Variants in INTU observed in about 807,000 individuals in gnomAD.
The protein encoded by INTU is protein inturned.
INTU carries 68 observed loss-of-function variants against 100.5 expected under a neutral mutation model. The ratio of observed to expected loss-of-function variants is 0.68; its 90% CI spans 0.56 to 0.83. The LOEUF (loss-of-function observed/expected upper bound fraction) is 0.83, where lower values mean the gene tolerates loss of function less well. Ranked by LOEUF, INTU falls within the 40% of genes least tolerant of loss-of-function variation. The pLI is 0.00. For synonymous variants in INTU, 357 were observed against 395.7 expected, an observed-to-expected ratio of 0.90 and a Z score of 1.16; for missense variants, 1,071 against 1,114.7, an observed-to-expected ratio of 0.96 and a Z score of 0.56.
chr4:127,643,823 C>T lies in INTU; in HGVS notation c.449C>T (p.Thr150Ile). 6.2e-7 allele frequency: 1 copy of T among 1,613,952 alleles called. No homozygotes were observed. The highest frequency in any genetic ancestry group is 1.1e-5 in the South Asian group (1 of 91,080). Reference protein sequence around the residue: ...SILKHQSNQKTGVIVQQRYKD... With the variant: ...SILKHQSNQKIGVIVQQRYKD... ...CTAAAGCATCAGTCCAATCAGAAGA[C>T]AGGAGTCATTGTCCAACAGCGATAC... The change falls in exon 2 of 16, where the codon ACA becomes ATA. Residue 150 changes from threonine (T) to isoleucine (I), a missense_variant. Coordinates refer to ENST00000335251, the MANE Select transcript of INTU (RefSeq NM_015693.4).
In INTU at chr4:127,643,979, A is replaced by G; in HGVS notation, c.605A>G (p.Gln202Arg). The G allele has an allele frequency of 6.2e-7, 1 of 1,614,210 alleles. No individual in the cohort carries two copies. Residue 202 changes from glutamine (Q) to arginine (R), a missense_variant, in exon 2 of 16, where the codon CAG becomes CGG. Gln to Arg is a conservative substitution (Grantham distance 43). Transcript: ENST00000335251. ...TGGAGCTGGAGAAGAACCGGAAAGC[A>G]GGGTGATGGAGAGAGGCTTGTGGTT... ...TKWSWRRTGKQGDGERLVVHG... is the reference protein window; with the variant it reads ...TKWSWRRTGKRGDGERLVVHG...
intron 6 of INTU, among the ~76,000 whole-genome samples, chr4:127,679,194 T>G (rs1469679216): frequency 6.6e-6 from 1 of 150,972 alleles, no homozygotes; most frequent in African/African-American, 2.4e-5. Flanking sequence ...GACAGATCAA[T>G]GAGACAGAAA....
At chr4:127,656,816 A>G in intron 3 of INTU, 95 bp downstream of exon 3, 1 of 665,144 alleles carries the variant, frequency 1.5e-6, no homozygotes, top group Non-Finnish European at 2.5e-6. Context: ...TCTGAAAAGT[A>G]TCATGTATAA....
At chr4:127,689,292 C>G (rs973756294) in intron 8 of INTU, among the ~76,000 whole-genome samples, 24 of 151,950 alleles carry the variant, frequency 1.6e-4, no homozygotes, top group African/African-American at 5.1e-4. Flanking sequence ...CTACCATTTT[C>G]TTAAATTGTA....
chr4:127,657,875 A>G (rs1327029454), intron 3 of INTU, among the ~76,000 whole-genome samples: 1 of 152,090 alleles, frequency 6.6e-6, no homozygotes, highest in Non-Finnish European at 1.5e-5. Context: ...TAAAGTGCAC[A>G]ATAAATGTAA....
At chr4:127,710,441 A>G (rs1731052277) in intron 13 of INTU, among the ~76,000 whole-genome samples, 1 of 152,166 alleles carries the variant, frequency 6.6e-6, no homozygotes, top group African/African-American at 2.4e-5. Flanking sequence ...CATCAGTTTG[A>G]CTATCATGGT....
At chr4:127,633,555 T>C (rs933116539) in intron 1 of INTU, among the ~76,000 whole-genome samples, 2 of 152,148 alleles carry the variant, frequency 1.3e-5, no homozygotes, top group African/African-American at 4.8e-5. Flanking sequence ...TGGCTTAATC[T>C]CTTTAGTATT....
In INTU at chr4:127,722,315, C is replaced by G. The variant is rs1560625652; in HGVS notation, c.*5879C>G. 2.0e-5 allele frequency: 3 copies of G among 152,594 alleles called. No individual in the cohort carries two copies. Among genetic ancestry groups the G allele is most frequent in the Non-Finnish European group, 2.9e-5 (2 of 68,276 alleles). The allele number at this position is 152,594 out of a possible 1,614,324, so 9.5% of individuals were successfully genotyped here. The stretch of plus-strand genomic sequence containing the variant: ...GCTGCAGACCAGCAAAGATGGCAGC[C>G]TGCTCCTTCCTCTGGGAGCTCTGTC... On this transcript the variant is annotated 3_prime_UTR_variant, in exon 16 of 16. Coordinates refer to ENST00000335251, the MANE Select transcript of INTU (RefSeq NM_015693.4).
intron 10 of INTU, among the ~76,000 whole-genome samples, chr4:127,704,556 A>G: frequency 6.6e-6 from 1 of 152,054 alleles, no homozygotes; most frequent in Non-Finnish European, 1.5e-5. Flanking sequence ...TGGCCTCCCA[A>G]AGTACTGGGA....
intron 2 of INTU, among the ~76,000 whole-genome samples, chr4:127,650,992 G>GT (rs1188499423): frequency 1.3e-5 from 2 of 152,098 alleles, no homozygotes; most frequent in Non-Finnish European, 2.9e-5. Flanking sequence ...TTTTTCATGT[G>GT]TTTTTTGGCT....
intron 8 of INTU, among the ~76,000 whole-genome samples, chr4:127,699,661 A>C (rs963500086): frequency 6.6e-6 from 1 of 152,250 alleles, no homozygotes. Context: ...ATTAATTTCT[A>C]ACTTAAAACT....
intron 9 of INTU, among the ~76,000 whole-genome samples, chr4:127,700,474 A>G (rs1030678064): frequency 3.3e-5 from 5 of 152,212 alleles, no homozygotes; most frequent in Non-Finnish European, 5.9e-5. Flanking sequence ...CGCAGTAGCG[A>G]TAAGTACCAC....
rs904563282 is a variant in INTU at position 127,723,680 on chromosome 4, C to T, written c.*7244C>T. 1 of 151,370 alleles carries T rather than the reference C, an allele frequency of 6.6e-6. No individual in the cohort carries two copies. Among genetic ancestry groups the T allele is most frequent in the East Asian group, 1.9e-4 (1 of 5,176 alleles). The allele number at this position is 151,370 out of a possible 1,614,324, so 9.4% of individuals were successfully genotyped here. ...TTTTTTGTTTGTTTTTGTTAAAATA[C>T]ATTCAGCGGCTGGGCTTAGTGGCTC... On this transcript the variant is annotated 3_prime_UTR_variant, in exon 16 of 16. Coordinates refer to ENST00000335251, the MANE Select transcript of INTU (RefSeq NM_015693.4).
intron 3 of INTU, among the ~76,000 whole-genome samples, chr4:127,660,358 C>T (rs1478699753): frequency 6.6e-6 from 1 of 152,132 alleles, no homozygotes; most frequent in East Asian, 1.9e-4. Context: ...TCGATTCCCT[C>T]AGAATTTTGA....
At chr4:127,673,706 C>G (rs867113378) in intron 5 of INTU, among the ~76,000 whole-genome samples, 7 of 151,932 alleles carry the variant, frequency 4.6e-5, no homozygotes, top group African/African-American at 1.7e-4. Context: ...AAGCACTTCT[C>G]ATACCTCAGC....
At chr4:127,646,836 A>G (rs929055576) in intron 2 of INTU, among the ~76,000 whole-genome samples, 2 of 152,196 alleles carry the variant, frequency 1.3e-5, no homozygotes, top group East Asian at 1.9e-4. Flanking sequence ...AAAAAAAAAT[A>G]ACAAAATTTA....
At chr4:127,661,247 T>A (rs1728462993) in intron 3 of INTU, among the ~76,000 whole-genome samples, 2 of 152,116 alleles carry the variant, frequency 1.3e-5, no homozygotes, top group African/African-American at 4.8e-5. Flanking sequence ...AGTTTTCAAG[T>A]ATGTTGTTTT....
intron 5 of INTU, among the ~76,000 whole-genome samples, chr4:127,672,698 A>G (rs1164343467): frequency 6.6e-6 from 1 of 152,060 alleles, no homozygotes; most frequent in Non-Finnish European, 1.5e-5. Context: ...TAGTAATATT[A>G]GTATACTATA....
rs1728811059 is a variant in INTU, at chr4:127,669,059, A to G, written c.996A>G (p.Pro332=). ...KEEQEILYHY[P]MSEASQKLKS... ...AGCAGGAAATTCTTTATCATTATCC[A>G]ATGTCTGAAGCATCTCAGAAACTTA... Residue 332 remains proline, a synonymous_variant, in exon 5 of 16, where the codon CCA becomes CCG. Transcript: ENST00000335251. 3 of 1,503,292 alleles carry G rather than the reference A, an allele frequency of 2.0e-6. No individual in the cohort carries two copies. Among genetic ancestry groups the G allele is most frequent in the Non-Finnish European group, 2.7e-6 (3 of 1,106,466 alleles). The allele number at this position is 1,503,292 out of a possible 1,614,324, so 93.1% of individuals were successfully genotyped here. A position where few individuals can be genotyped will look rare whatever the true frequency, so the allele number is the denominator to read the frequency against.
Sources: allele counts gnomAD v4.1 joint callset (sites outside exome capture counted in the v4.1 genomes callset), GRCh38; gene constraint gnomAD v4.1.1; transcripts MANE v1.5; gene names NCBI Gene and HGNC (gene_info 2026-07-23, HGNC 2026-07-21).